WDTC1: variants seen among roughly 807,000 people sequenced by gnomAD.
The protein encoded by WDTC1 is WD and tetratricopeptide repeats protein 1.
A neutral mutation model predicts 76.0 loss-of-function variants in WDTC1; 12 were observed. The ratio of observed to expected loss-of-function variants is 0.16; its 90% CI spans 0.10 to 0.26. The LOEUF (loss-of-function observed/expected upper bound fraction) is 0.26, where lower values mean the gene tolerates loss of function less well. Among genes scored for constraint, WDTC1 ranks in the 10% least tolerant of loss-of-function variants. The pLI, the probability that WDTC1 is intolerant of heterozygous loss-of-function variation, is 1.00. For synonymous variants in WDTC1, 326 were observed against 350.8 expected (o/e 0.93, Z 0.79); for missense variants, 511 against 908.8 (o/e 0.56, Z 5.63).
At chr1:27,249,541 A>G (rs1199720017) in intron 1 of WDTC1, among the ~76,000 whole-genome samples, 1 of 151,966 alleles carries the variant, frequency 6.6e-6, no homozygotes, top group African/African-American at 2.4e-5. Context: ...TTATCAGTTG[A>G]TGGATGTTTC....
Position 27,306,172 on chromosome 1 carries a change from T to C in WDTC1, c.1837-14T>C, listed in dbSNP as rs760092721. On this transcript the variant is annotated splice_polypyrimidine_tract_variant and intron_variant, in intron 15 of 15. Coordinates refer to ENST00000319394, the MANE Select transcript of WDTC1 (RefSeq NM_001276252.2). The surrounding 1 kb of genome is among the most constrained non-coding windows in gnomAD (Gnocchi z 5.0). ...CCCTGAGCCCCACGTGTGTCACCCCTTTCTCCACCACAGAGTGAAGACCTC... is the reference window on the plus strand; with the variant it reads ...CCCTGAGCCCCACGTGTGTCACCCCCTTCTCCACCACAGAGTGAAGACCTC... 6.2e-7 allele frequency: 1 copy of C among 1,613,718 alleles called. No individual in the cohort carries two copies. Among genetic ancestry groups the C allele is most frequent in the South Asian group, 1.1e-5 (1 of 91,068 alleles).
intron 6 of WDTC1, among the ~76,000 whole-genome samples, chr1:27,289,141 C>G (rs2013443928): frequency 6.7e-6 from 1 of 149,542 alleles, no homozygotes; most frequent in Admixed American, 6.6e-5. Flanking sequence ...CTCCTCACTT[C>G]CCAGTAGGGG....
intron 5 of WDTC1, among the ~76,000 whole-genome samples, chr1:27,284,850 G>T (rs779198346): frequency 6.6e-6 from 1 of 151,848 alleles, no homozygotes; most frequent in Admixed American, 6.6e-5. Context: ...TAACTCATGC[G>T]CTCCCCCTGG....
chr1:27,282,214 C>T (rs747506495), intron 3 of WDTC1, 25 bp from the exon 4 acceptor site: 2 of 1,613,494 alleles, frequency 1.2e-6, no homozygotes, highest in Non-Finnish European at 1.7e-6. Context: ...CAACTCTCTT[C>T]CTGTCTCTTC....
At chr1:27,277,185 A>G (rs1187991922) in intron 3 of WDTC1, among the ~76,000 whole-genome samples, 1 of 152,000 alleles carries the variant, frequency 6.6e-6, no homozygotes, top group African/African-American at 2.4e-5. Context: ...GGCGCACACC[A>G]CCATGCCCAA....
chr1:27,301,586 C>T lies in WDTC1; in HGVS notation c.1468+125C>T, dbSNP rs988430517. 1 of 1,109,846 alleles carries T rather than the reference C, an allele frequency of 9.0e-7. No individual in the cohort carries two copies. The highest frequency in any genetic ancestry group is 1.6e-5 in the African/African-American group (1 of 64,360). The allele number at this position is 1,109,846 out of a possible 1,614,324, so 68.7% of individuals were successfully genotyped here. Reference sequence around the variant, plus strand: ...TTCAGATGTTGATTCAGAAACCATGCAACTTTGGGGCAGTTACTTGGTGTC... The same window carrying T: ...TTCAGATGTTGATTCAGAAACCATGTAACTTTGGGGCAGTTACTTGGTGTC... On this transcript the variant is annotated intron_variant, in intron 13 of 15. Coordinates refer to ENST00000319394, the MANE Select transcript of WDTC1 (RefSeq NM_001276252.2). The surrounding 1 kb of genome is among the most constrained non-coding windows in gnomAD (Gnocchi z 5.8).
intron 12 of WDTC1, 76 bp downstream of exon 12, chr1:27,298,187 G>C: frequency 6.8e-7 from 1 of 1,472,264 alleles, no homozygotes; most frequent in Non-Finnish European, 9.0e-7. Flanking sequence ...GGGGCCTGAT[G>C]GAGCCAAGTT....
At position 27,274,458 on chromosome 1, in the gene WDTC1, A is replaced by G. The variant is rs1404808477; in HGVS notation, c.133-7781A>G. On this transcript the variant is annotated intron_variant, in intron 3 of 15. Transcript: ENST00000319394. This position sits in a 1 kb window ranked among gnomAD's most constrained non-coding sequence, Gnocchi z 4.2. ...CAACACAGCAAGACCCCATCTCCAT[A>G]AAACATTTTTTAAAAGTAAAAGAAA... Among the ~76,000 whole-genome samples, 1 of 152,194 alleles carries G rather than the reference A, an allele frequency of 6.6e-6. No individual in the cohort carries two copies. Among genetic ancestry groups the G allele is most frequent in the Admixed American group, 6.6e-5 (1 of 15,266 alleles).
At chr1:27,300,592 A>AC (rs918997954) in intron 12 of WDTC1, among the ~76,000 whole-genome samples, 2 of 151,164 alleles carry the variant, frequency 1.3e-5, no homozygotes, top group African/African-American at 4.9e-5. Flanking sequence ...GGTGTGCACA[A>AC]CCCCCCTTAC....
upstream of WDTC1, chr1:27,234,520 G>C (rs572933584): frequency 7.0e-5 from 25 of 355,150 alleles, no homozygotes; most frequent in Non-Finnish European, 9.1e-5. Flanking sequence ...GGGGGTAAGT[G>C]GGGGGGCCCG....
chr1:27,283,356 C>T lies in WDTC1; in HGVS notation c.198C>T (p.Ser66=), dbSNP rs983380190. ...NEKGDLLASG[S]DDQHTIVWDP... is the part of the protein sequence containing the mutation. ...CTTTCAGCTTGCTGGCCTCTGGTTCCGATGACCAGCACACGATTGTGTGGG... is the reference window on the plus strand; with the variant it reads ...CTTTCAGCTTGCTGGCCTCTGGTTCTGATGACCAGCACACGATTGTGTGGG... The change falls in exon 5 of 16, where the codon TCC becomes TCT. Residue 66 remains serine (S), a synonymous_variant. Coordinates refer to ENST00000319394, the MANE Select transcript of WDTC1 (RefSeq NM_001276252.2). 1.9e-6 allele frequency: 3 copies of T among 1,613,750 alleles called. No homozygotes were observed. Among genetic ancestry groups the T allele is most frequent in the East Asian group, 2.2e-5 (1 of 44,880 alleles).
Position 27,262,497 on chromosome 1 carries a change from T to C in WDTC1, c.49-655T>C, listed in dbSNP as rs191008849. Among the ~76,000 whole-genome samples, 971 of 152,178 alleles carry C rather than the reference T, an allele frequency of 6.4e-3. 89 individuals are homozygous for C. The South Asian group carries it at 0.19, about 29-fold the overall frequency. ...TCCACCTCCCAGGTTCAAGTGATTC[T>C]CCTGCCTCAGCCTCCCGAGTAGCTG... On this transcript the variant is annotated intron_variant, in intron 2 of 15. Coordinates refer to ENST00000319394, the MANE Select transcript of WDTC1 (RefSeq NM_001276252.2).
chr1:27,261,166 A>G, intron 2 of WDTC1, 64 bp downstream of exon 2: 4 of 1,601,560 alleles, frequency 2.5e-6, no homozygotes, highest in Non-Finnish European at 2.6e-6. Context: ...TTGATTTTAC[A>G]GATGAAAAAA....
Position 27,304,963 on chromosome 1 carries a change from AC to A in WDTC1, c.1644-34del, listed in dbSNP as rs779599247. 5.7e-6 allele frequency: 9 copies of A among 1,584,774 alleles called. 1 individual carries two copies. In the South Asian group the frequency reaches 1.0e-4, roughly 18 times the overall value. ...CCTCTACTTGAGGCTGTAGGGCAGT[AC>A]CCCACCTGACCTCCCTGCCCTTTGC... On this transcript the variant is annotated intron_variant, in intron 14 of 15. Coordinates refer to ENST00000319394, the MANE Select transcript of WDTC1 (RefSeq NM_001276252.2).
intron 6 of WDTC1, among the ~76,000 whole-genome samples, chr1:27,291,539 T>G (rs774293556): frequency 6.6e-5 from 10 of 152,186 alleles, no homozygotes; most frequent in Non-Finnish European, 1.2e-4. Context: ...TGAGGATACC[T>G]GTGTATTGGC....
At chr1:27,238,770 G>C (rs938422381) in intron 1 of WDTC1, among the ~76,000 whole-genome samples, 2 of 152,140 alleles carry the variant, frequency 1.3e-5, no homozygotes, top group African/African-American at 4.8e-5. Flanking sequence ...TCACCATGTT[G>C]ACCAGACTGG....
intron 3 of WDTC1, among the ~76,000 whole-genome samples, chr1:27,267,585 T>C (rs996070155): frequency 6.6e-6 from 1 of 152,140 alleles, no homozygotes; most frequent in African/African-American, 2.4e-5. Context: ...GTAATCCAGT[T>C]ACGTGGAATT....
intron 1 of WDTC1, among the ~76,000 whole-genome samples, chr1:27,247,712 C>CTTTT (rs35930144): frequency 1.2e-3 from 162 of 136,442 alleles, no homozygotes; most frequent in Non-Finnish European, 1.2e-3. Flanking sequence ...CATTTTCTTT[C>CTTTT]TTTTTTTTTT....
chr1:27,291,382 C>G (rs2013530747), intron 6 of WDTC1, among the ~76,000 whole-genome samples: 1 of 152,048 alleles, frequency 6.6e-6, no homozygotes, highest in South Asian at 2.1e-4. Context: ...TTTTTTTGAG[C>G]AGGAGAGTGA....
Sources: gnomAD v4.1 joint callset for allele counts (sites outside exome capture counted in the v4.1 genomes callset) on GRCh38, gnomAD v4.1.1 for gene constraint, Gnocchi (gnomAD v3.1) non-coding constraint, MANE v1.5 for transcripts, NCBI Gene and HGNC (gene_info 2026-07-23, HGNC 2026-07-21) for gene names.